PEX5L: variants seen among roughly 807,000 people sequenced by gnomAD.
PEX5L encodes peroxisomal biogenesis factor 5 like, also known as PEX5-related protein.
A neutral mutation model predicts 84.0 loss-of-function variants in PEX5L; 30 were observed. The ratio of observed to expected loss-of-function variants is 0.36; its 90% CI spans 0.27 to 0.48. PEX5L has a LOEUF of 0.48. PEX5L is among the 20% of genes least tolerant of loss of function. The pLI is 0.99. For missense variants in PEX5L, 533 were observed against 754.6 expected, an observed-to-expected ratio of 0.71 and a Z score of 3.44; for synonymous variants, 270 against 283.1, an observed-to-expected ratio of 0.95 and a Z score of 0.46.
chr3:179,934,474 T>C (rs1774038530), intron 2 of PEX5L, among the ~76,000 whole-genome samples: 1 of 152,224 alleles, frequency 6.6e-6, no homozygotes, highest in African/African-American at 2.4e-5. Context: ...AATGACACGA[T>C]AAGGTGGACA....
chr3:179,941,463 T>C (rs1776075125), intron 2 of PEX5L, among the ~76,000 whole-genome samples: 1 of 152,248 alleles, frequency 6.6e-6, no homozygotes. Flanking sequence ...CAACATTCAG[T>C]ACTTCATGTA....
At chr3:179,919,253 G>A (rs1768378916) in intron 2 of PEX5L, among the ~76,000 whole-genome samples, 1 of 152,298 alleles carries the variant, frequency 6.6e-6, no homozygotes, top group South Asian at 2.1e-4. Context: ...AGTTAAAGTG[G>A]CAGTGGTGAG....
At chr3:179,818,973 G>A (rs1457319570) in intron 9 of PEX5L, among the ~76,000 whole-genome samples, 1 of 151,094 alleles carries the variant, frequency 6.6e-6, no homozygotes, top group African/African-American at 2.4e-5. Flanking sequence ...CTCCTGAGTA[G>A]CTGGGGACTA....
rs552713669 is a variant in PEX5L at position 179,886,139 on chromosome 3, T to C, written c.310+1534A>G. Among the ~76,000 whole-genome samples the C allele has an allele frequency of 3.9e-5, 6 of 152,338 alleles. No individual in the cohort carries two copies. In the East Asian group the frequency reaches 1.2e-3, roughly 29 times the overall value. On this transcript the variant is annotated intron_variant, in intron 4 of 14. Transcript: ENST00000467460. ...GACTTAGTTTTCCCATCAGTGAGAA[T>C]TGGAGCATGAAGAGGAAGTTTGCAG...
At chr3:179,937,054 T>A (rs1175216348) in intron 2 of PEX5L, among the ~76,000 whole-genome samples, 2 of 152,114 alleles carry the variant, frequency 1.3e-5, no homozygotes, top group Non-Finnish European at 2.9e-5. Context: ...AGTCAATACG[T>A]TTATTGTGCC....
intron 1 of PEX5L, among the ~76,000 whole-genome samples, chr3:180,010,684 A>G (rs1181690990): frequency 6.6e-6 from 1 of 151,388 alleles, no homozygotes; most frequent in African/African-American, 2.4e-5. Flanking sequence ...TTCTTCAGTA[A>G]CTTCCTTCTC....
intron 8 of PEX5L, among the ~76,000 whole-genome samples, chr3:179,828,115 C>A (rs78924755): frequency 0.042 from 6,429 of 152,176 alleles, 479 homozygotes; most frequent in African/African-American, 0.15. Context: ...ATCCCCCCAA[C>A]CCCTGATGTC....
At chr3:179,830,702 C>T (rs1732515249) in intron 8 of PEX5L, among the ~76,000 whole-genome samples, 1 of 152,160 alleles carries the variant, frequency 6.6e-6, no homozygotes, top group Non-Finnish European at 1.5e-5. Flanking sequence ...AATATTTTCT[C>T]TTCCAAGGAT....
chr3:179,829,427 A>G (rs1731788984), intron 8 of PEX5L, among the ~76,000 whole-genome samples: 1 of 152,226 alleles, frequency 6.6e-6, no homozygotes. Context: ...GGGTTAGATC[A>G]GGTTAGAATC....
At chr3:179,970,982 C>CA (rs1784577164) in intron 2 of PEX5L, among the ~76,000 whole-genome samples, 2 of 152,116 alleles carry the variant, frequency 1.3e-5, no homozygotes, top group African/African-American at 4.8e-5. Context: ...CCTGGTATGT[C>CA]ATTGTTTATG....
At chr3:180,004,836 T>A (rs1788731586) in intron 1 of PEX5L, among the ~76,000 whole-genome samples, 1 of 151,916 alleles carries the variant, frequency 6.6e-6, no homozygotes, top group South Asian at 2.1e-4. Flanking sequence ...AACTGTTTAA[T>A]CTGAATCATG....
intron 1 of PEX5L, among the ~76,000 whole-genome samples, chr3:179,977,695 A>G (rs981230625): frequency 2.6e-5 from 4 of 152,206 alleles, no homozygotes; most frequent in Non-Finnish European, 5.9e-5. Flanking sequence ...TAATTGCCTT[A>G]CCAGTTAAAA....
At chr3:180,003,366 T>C (rs1285577860) in intron 1 of PEX5L, among the ~76,000 whole-genome samples, 29 of 151,280 alleles carry the variant, frequency 1.9e-4, no homozygotes, top group Admixed American at 1.9e-3. Flanking sequence ...CTAATTTATG[T>C]GGGCTCAGAC....
chr3:179,909,435 T>C (rs982493379), intron 2 of PEX5L, among the ~76,000 whole-genome samples: 5 of 152,012 alleles, frequency 3.3e-5, no homozygotes, highest in Non-Finnish European at 4.4e-5. Context: ...TGTAGCCAAG[T>C]TGAGATGACT....
chr3:179,929,183 A>G (rs1772295610), intron 2 of PEX5L, among the ~76,000 whole-genome samples: 2 of 152,030 alleles, frequency 1.3e-5, no homozygotes, highest in Admixed American at 1.3e-4. Flanking sequence ...ATTTTTTTTT[A>G]AGGGATTAGC....
chr3:179,876,349 G>T (rs1480757609), intron 5 of PEX5L, among the ~76,000 whole-genome samples: 1 of 151,586 alleles, frequency 6.6e-6, no homozygotes, highest in Non-Finnish European at 1.5e-5. Context: ...AAAAAAAAAT[G>T]AATGGGGTGT....
intron 2 of PEX5L, among the ~76,000 whole-genome samples, chr3:179,965,974 C>T (rs1228611786): frequency 6.6e-6 from 1 of 152,128 alleles, no homozygotes; most frequent in Non-Finnish European, 1.5e-5. Context: ...AAATAGTTTG[C>T]AGACAAGATG....
intron 8 of PEX5L, among the ~76,000 whole-genome samples, chr3:179,848,449 G>A (rs1016171067): frequency 2.0e-5 from 3 of 151,564 alleles, no homozygotes; most frequent in Non-Finnish European, 4.4e-5. Flanking sequence ...TACTCAGGAG[G>A]CTGAGGTGTG....
intron 8 of PEX5L, among the ~76,000 whole-genome samples, chr3:179,839,172 T>C (rs1014167365): frequency 1.3e-5 from 2 of 152,148 alleles, no homozygotes; most frequent in Non-Finnish European, 2.9e-5. Flanking sequence ...CAAGAAAAAT[T>C]CCAGTTCCAA....
Sources: allele counts gnomAD v4.1 joint callset (sites outside exome capture counted in the v4.1 genomes callset), GRCh38; gene constraint gnomAD v4.1.1; transcripts MANE v1.5; gene names NCBI Gene and HGNC (gene_info 2026-07-23, HGNC 2026-07-21).